The following GPR158 variants were observed in gnomAD, a reference collection of about 807,000 sequenced individuals.
GPR158 encodes metabotropic glycine receptor.
In GPR158, 30 loss-of-function variants were observed where a neutral mutation model predicts 78.2. The observed-to-expected ratio is 0.38, with a 90% CI of 0.29 to 0.52. GPR158 has a LOEUF of 0.52. Ranked by LOEUF, GPR158 falls within the 20% of genes least tolerant of loss-of-function variation. GPR158 has a pLI of 0.83. For synonymous variants in GPR158, 581 were observed against 591.1 expected (o/e 0.98, Z 0.25); for missense variants, 1,463 against 1,523.5 (o/e 0.96, Z 0.66).
intron 2 of GPR158, among the ~76,000 whole-genome samples, chr10:25,319,872 T>A (rs987347622): frequency 2.9e-5 from 4 of 138,754 alleles, no homozygotes; most frequent in Non-Finnish European, 4.7e-5. Flanking sequence ...CTGTGGCAAA[T>A]GAAAAATAAG....
chr10:25,223,468 C>G (rs979317192), intron 2 of GPR158, among the ~76,000 whole-genome samples: 1 of 152,168 alleles, frequency 6.6e-6, no homozygotes, highest in African/African-American at 2.4e-5. Context: ...TTGTGCTGGT[C>G]ACTCTAGGTA....
At chr10:25,351,016 A>G (rs1429309249) in intron 2 of GPR158, among the ~76,000 whole-genome samples, 2 of 152,000 alleles carry the variant, frequency 1.3e-5, no homozygotes, top group East Asian at 3.9e-4. Flanking sequence ...CCAAAATGCT[A>G]GGAGAAAATA....
chr10:25,360,273 T>G (rs945361136), intron 2 of GPR158, among the ~76,000 whole-genome samples: 2 of 152,246 alleles, frequency 1.3e-5, no homozygotes, highest in African/African-American at 4.8e-5. Flanking sequence ...CATTTGTCAA[T>G]TTTGGCTTTT....
chr10:25,363,975 A>T (rs1157247219), intron 2 of GPR158, among the ~76,000 whole-genome samples: 2 of 151,940 alleles, frequency 1.3e-5, no homozygotes, highest in Non-Finnish European at 2.9e-5. Flanking sequence ...AATCGCATCT[A>T]CTCACTGAGT....
intron 1 of GPR158, among the ~76,000 whole-genome samples, chr10:25,212,303 G>A (rs1312192394): frequency 6.6e-6 from 1 of 152,140 alleles, no homozygotes; most frequent in Non-Finnish European, 1.5e-5. Context: ...CAAAGTGTGA[G>A]CAGGCGTCTT....
chr10:25,267,069 TTCAA>T (rs748498970), intron 2 of GPR158, among the ~76,000 whole-genome samples: 17 of 152,134 alleles, frequency 1.1e-4, no homozygotes, highest in Non-Finnish European at 2.2e-4. Flanking sequence ...CTCTTTAAAT[TTCAA>T]TCAAATATAG....
chr10:25,368,932 A>T (rs1259165495), intron 2 of GPR158, among the ~76,000 whole-genome samples: 1 of 137,756 alleles, frequency 7.3e-6, no homozygotes, highest in Non-Finnish European at 1.6e-5. Flanking sequence ...CTTTGAAGCA[A>T]TTGGGAATGG....
intron 2 of GPR158, among the ~76,000 whole-genome samples, chr10:25,314,828 CATACATATACACGTAT>C (rs144476559): frequency 0.019 from 2,568 of 137,288 alleles, 75 homozygotes; most frequent in African/African-American, 0.046. Flanking sequence ...AGCCTTTAGT[CATACATATACACGTAT>C]ATACATACAC....
At chr10:25,313,971 G>C (rs1854807534) in intron 2 of GPR158, among the ~76,000 whole-genome samples, 1 of 151,938 alleles carries the variant, frequency 6.6e-6, no homozygotes, top group African/African-American at 2.4e-5. Context: ...GGCACTTTTT[G>C]GTTTGGCAAT....
chr10:25,319,321 T>C (rs1011900127), intron 2 of GPR158, among the ~76,000 whole-genome samples: 9 of 152,172 alleles, frequency 5.9e-5, no homozygotes, highest in Non-Finnish European at 8.8e-5. Flanking sequence ...ACATTTACTG[T>C]GTACACAGAG....
chr10:25,488,044 T>C (rs1425844557), intron 5 of GPR158, among the ~76,000 whole-genome samples: 1 of 152,114 alleles, frequency 6.6e-6, no homozygotes, highest in Non-Finnish European at 1.5e-5. Context: ...CCAAGGAACA[T>C]AGGAAGAGAA....
chr10:25,259,410 G>A (rs1359904050), intron 2 of GPR158, among the ~76,000 whole-genome samples: 3 of 152,026 alleles, frequency 2.0e-5, no homozygotes, highest in African/African-American at 7.2e-5. Flanking sequence ...CTGCTCTTTT[G>A]TATAATGTTT....
At chr10:25,433,573 G>GCA (rs1196819817) in intron 4 of GPR158, among the ~76,000 whole-genome samples, 2,073 of 135,228 alleles carry the variant, frequency 0.015, 48 homozygotes, top group African/African-American at 0.053. Context: ...GTGTGTGTGC[G>GCA]CGCGCGCGTG....
chr10:25,334,808 G>T (rs892887890), intron 2 of GPR158, among the ~76,000 whole-genome samples: 11 of 141,936 alleles, frequency 7.7e-5, no homozygotes, highest in Non-Finnish European at 1.5e-4. Flanking sequence ...AATATGAAAT[G>T]AGATTTTTGC....
intron 2 of GPR158, among the ~76,000 whole-genome samples, chr10:25,355,126 T>G (rs1855530850): frequency 6.6e-6 from 1 of 152,030 alleles, no homozygotes; most frequent in Non-Finnish European, 1.5e-5. Flanking sequence ...TTATATTATT[T>G]TTTTAAATAA....
At chr10:25,412,209 A>G in intron 3 of GPR158, 41 bp from the exon 4 acceptor site, 1 of 1,337,434 alleles carries the variant, frequency 7.5e-7, no homozygotes, top group Non-Finnish European at 1.1e-6. Flanking sequence ...TACCTACCTA[A>G]GAGGTGCAAA....
intron 2 of GPR158, among the ~76,000 whole-genome samples, chr10:25,260,680 A>C (rs1251397088): frequency 6.6e-6 from 1 of 152,048 alleles, no homozygotes; most frequent in Non-Finnish European, 1.5e-5. Flanking sequence ...GAGCATCTCT[A>C]ATCTCACCTC....
At chr10:25,225,183 C>CCTTTTTTTTTTTTT (rs553039231) in intron 2 of GPR158, among the ~76,000 whole-genome samples, 7 of 134,768 alleles carry the variant, frequency 5.2e-5, no homozygotes, top group African/African-American at 2.0e-4. Flanking sequence ...GAACATTTGC[C>CCTTTTTTTTTTTTT]TTTTTTTTTT....
intron 6 of GPR158, among the ~76,000 whole-genome samples, chr10:25,568,835 C>CAGAAATAGTG (rs917455554): frequency 2.6e-5 from 4 of 152,126 alleles, no homozygotes; most frequent in Non-Finnish European, 2.9e-5. Flanking sequence ...GGCTTTCCTT[C>CAGAAATAGTG]AGAAATAGTG....
Sources: allele counts gnomAD v4.1 joint callset (sites outside exome capture counted in the v4.1 genomes callset), GRCh38; gene constraint gnomAD v4.1.1; transcripts MANE v1.5; gene names NCBI Gene and HGNC (gene_info 2026-07-23, HGNC 2026-07-21).